ZC2HC1A: variants seen among roughly 807,000 people sequenced by gnomAD.
ZC2HC1A encodes the protein zinc finger C2HC domain-containing protein 1A.
Under a neutral mutation model 40.7 loss-of-function variants are expected in ZC2HC1A, and 28 were observed. The observed-to-expected ratio is 0.69, with a 90% confidence interval of 0.51 to 0.94. The LOEUF is 0.94. Ranked by LOEUF, ZC2HC1A falls within the 40% of genes least tolerant of loss-of-function variation. The pLI, the probability that ZC2HC1A is intolerant of heterozygous loss-of-function variation, is 0.00. For missense variants in ZC2HC1A, 389 were observed against 386.3 expected, an observed-to-expected ratio of 1.01 and a Z score of -0.06; for synonymous variants, 129 against 129.2, an observed-to-expected ratio of 1.00 and a Z score of 0.01.
chr8:78,689,034 C>CTTT (rs5892662), intron 4 of ZC2HC1A, among the ~76,000 whole-genome samples, 188 bp from the exon 5 acceptor site: 1 of 146,160 alleles, frequency 6.8e-6, no homozygotes. Context: ...TACCAGCAGA[C>CTTT]TTTTTTTTTT....
intron 3 of ZC2HC1A, among the ~76,000 whole-genome samples, chr8:78,685,193 C>G (rs1268709765): frequency 1.3e-5 from 2 of 152,012 alleles, no homozygotes; most frequent in Non-Finnish European, 2.9e-5. Context: ...GGTGTTATTT[C>G]AATTCTGTTG....
At chr8:78,686,329 A>G in intron 3 of ZC2HC1A, 138 bp from the exon 4 acceptor site, 1 of 738,290 alleles carries the variant, frequency 1.4e-6, no homozygotes, top group Non-Finnish European at 1.9e-6. Context: ...TAAAATTATA[A>G]ATTTGAGAAG....
At chr8:78,690,282 G>A (rs1158014552) in intron 5 of ZC2HC1A, among the ~76,000 whole-genome samples, 2 of 152,228 alleles carry the variant, frequency 1.3e-5, no homozygotes, top group South Asian at 2.1e-4. Context: ...TTTGGCAGCC[G>A]GGTGCAGTGG....
In ZC2HC1A at chr8:78,675,770, A is replaced by C. The variant is rs770223686; in HGVS notation, c.17-17A>C. On this transcript the variant is annotated splice_polypyrimidine_tract_variant and intron_variant, in intron 1 of 8. Transcript: ENST00000263849. ...TCAAGTTATATAAATTATTTATTAA[A>C]TTCCTTCCTGTTTTAGAGAATGGAG... 1.4e-5 allele frequency: 22 copies of C among 1,583,140 alleles called. No individual in the cohort carries two copies. The highest frequency in any genetic ancestry group is 1.9e-5 in the Non-Finnish European group (22 of 1,161,018).
intron 1 of ZC2HC1A, among the ~76,000 whole-genome samples, chr8:78,669,080 CTGTTT>C (rs1055788969): frequency 5.8e-5 from 2 of 34,280 alleles, no homozygotes; most frequent in African/African-American, 9.8e-5. Flanking sequence ...ATCAAAATTT[CTGTTT>C]TGTTTTATTT....
At chr8:78,682,799 C>T (rs1376823717) in intron 3 of ZC2HC1A, among the ~76,000 whole-genome samples, 3 of 152,220 alleles carry the variant, frequency 2.0e-5, no homozygotes, top group African/African-American at 7.2e-5. Flanking sequence ...CAAGTTTCTT[C>T]TGCCTGTGAG....
intron 5 of ZC2HC1A, among the ~76,000 whole-genome samples, chr8:78,696,965 CT>C (rs1810440595): frequency 6.6e-6 from 1 of 152,094 alleles, no homozygotes; most frequent in South Asian, 2.1e-4. Flanking sequence ...TCCGTTAGAC[CT>C]TTTTTTCTTT....
rs1811158082 is a variant in ZC2HC1A at position 78,717,955 on chromosome 8, A to G, written c.*462A>G. On this transcript the variant is annotated 3_prime_UTR_variant, in exon 9 of 9. Transcript: ENST00000263849. ...TAGGATAGATGCTGGGAATTTTGTAATTAAAGAGAACAGTTTTAGTTACCA... is the reference window on the plus strand; with the variant it reads ...TAGGATAGATGCTGGGAATTTTGTAGTTAAAGAGAACAGTTTTAGTTACCA... 1 of 152,718 alleles carries G rather than the reference A, an allele frequency of 6.5e-6. No individual in the cohort carries two copies. Among genetic ancestry groups the G allele is most frequent in the Non-Finnish European group, 1.5e-5 (1 of 68,404 alleles). 9.5% of individuals were successfully genotyped at this position (152,718 alleles called of 1,614,324 possible). A position where few individuals can be genotyped will look rare whatever the true frequency, so the allele number is the denominator to read the frequency against.
chr8:78,669,260 A>G (rs1434101138), intron 1 of ZC2HC1A, among the ~76,000 whole-genome samples: 1 of 152,116 alleles, frequency 6.6e-6, no homozygotes, highest in African/African-American at 2.4e-5. Context: ...TTTTAGCTCT[A>G]TGATTTGGGC....
chr8:78,709,892 A>G (rs1464274920), intron 7 of ZC2HC1A, among the ~76,000 whole-genome samples: 2 of 152,142 alleles, frequency 1.3e-5, no homozygotes. Context: ...CATCCGGTAA[A>G]TTCTTTTCCC....
rs753460514 is a variant in ZC2HC1A, at chr8:78,686,616, G to A, written c.352+8G>A. On this transcript the variant is annotated splice_region_variant and intron_variant, in intron 4 of 8. Transcript: ENST00000263849. ...CACCTTCTTATGATCCTGGTATTTG[G>A]AATATTGTTGACAGAAATGTTCATG... The A allele has an allele frequency of 1.1e-5, 16 of 1,467,140 alleles. No individual in the cohort carries two copies. The East Asian group carries it at 3.5e-4, about 32-fold the overall frequency. The allele number at this position is 1,467,140 out of a possible 1,614,324, so 90.9% of individuals were successfully genotyped here.
rs764380109 is a variant in ZC2HC1A, at chr8:78,718,948, ATTAGC to A, written c.*1460_*1464del. 2.0e-5 allele frequency: 3 copies of A among 151,684 alleles called. No homozygotes were observed. Among genetic ancestry groups the A allele is most frequent in the Admixed American group, 6.6e-5 (1 of 15,236 alleles). The allele number at this position is 151,684 out of a possible 1,614,324, so 9.4% of individuals were successfully genotyped here. A position where few individuals can be genotyped will look rare whatever the true frequency, so the allele number is the denominator to read the frequency against. ...GTGGCTTATAATTTATCTGAAATTT[ATTAGC>A]TTAGTTTAGTTTGGGCAGGAGTTAC... On this transcript the variant is annotated 3_prime_UTR_variant, in exon 9 of 9. Transcript: ENST00000263849.
rs569364658 is a variant in ZC2HC1A, at chr8:78,700,970, G to C, written c.704+2457G>C. 3.3e-5 allele frequency among the ~76,000 whole-genome samples: 5 copies of C among 152,194 alleles called. No individual in the cohort carries two copies. In the South Asian group the frequency reaches 6.2e-4, roughly 19 times the overall value. ...TTTTTGCTTAGAATTACCTTGGCTA[G>C]TTTGACTCATTTTTTATTCTATATT... is the stretch of plus-strand genomic sequence containing the variant. On this transcript the variant is annotated intron_variant, in intron 7 of 8. Transcript: ENST00000263849.
intron 2 of ZC2HC1A, among the ~76,000 whole-genome samples, chr8:78,677,903 AT>A (rs1391187431): frequency 6.6e-6 from 1 of 152,132 alleles, no homozygotes; most frequent in Non-Finnish European, 1.5e-5. Context: ...GCCCACTTTT[AT>A]GGTTATTTCT....
chr8:78,669,967 C>CT (rs371762916), intron 1 of ZC2HC1A, among the ~76,000 whole-genome samples: 86,244 of 121,656 alleles, frequency 0.71, 30,566 homozygotes, highest in East Asian at 0.86. Context: ...TTCTTTCTTT[C>CT]TTTCTTTTTT....
chr8:78,709,540 G>T (rs1201401919), intron 7 of ZC2HC1A, among the ~76,000 whole-genome samples: 2 of 152,038 alleles, frequency 1.3e-5, no homozygotes, highest in East Asian at 1.9e-4. Context: ...GTGGAATTGA[G>T]ATACTAATTA....
chr8:78,705,644 G>T (rs1442175772), intron 7 of ZC2HC1A, among the ~76,000 whole-genome samples: 1 of 152,040 alleles, frequency 6.6e-6, no homozygotes, highest in East Asian at 1.9e-4. Flanking sequence ...CCTCTGGGTC[G>T]GCATGGGCTC....
At chr8:78,707,396 A>G (rs1810806793) in intron 7 of ZC2HC1A, among the ~76,000 whole-genome samples, 1 of 152,226 alleles carries the variant, frequency 6.6e-6, no homozygotes, top group Admixed American at 6.5e-5. Flanking sequence ...ATAATCTGCC[A>G]CTAAATAGCT....
chr8:78,688,082 A>G (rs1225264881), intron 4 of ZC2HC1A, among the ~76,000 whole-genome samples: 1 of 151,006 alleles, frequency 6.6e-6, no homozygotes. Flanking sequence ...CATGGGCCAT[A>G]CTTTGCGAAA....
Sources: allele counts gnomAD v4.1 joint callset (sites outside exome capture counted in the v4.1 genomes callset), GRCh38; gene constraint gnomAD v4.1.1; transcripts MANE v1.5; gene names NCBI Gene and HGNC (gene_info 2026-07-23, HGNC 2026-07-21).